LAT2: variants seen among roughly 807,000 people sequenced by gnomAD.
LAT2 encodes the protein linker for activation of T cells family member 2, also known as linker for activation of T-cells family member 2.
Under a neutral mutation model 43.4 loss-of-function variants are expected in LAT2, and 23 were observed. The observed-to-expected ratio is 0.53, with a 90% CI of 0.38 to 0.75. The LOEUF (loss-of-function observed/expected upper bound fraction) is 0.75, where lower values mean the gene tolerates loss of function less well. Among genes scored for constraint, LAT2 ranks in the 30% least tolerant of loss-of-function variants. The probability of loss-of-function intolerance (pLI) is 0.00; values close to 1 mark genes in which losing one functional copy is unlikely to be tolerated. For synonymous variants in LAT2, 128 were observed against 123.2 expected, an observed-to-expected ratio of 1.04 and a Z score of -0.26; for missense variants, 284 against 310.2, an observed-to-expected ratio of 0.92 and a Z score of 0.64.
chr7:74,214,537 A>AAAATAT lies in LAT2; in HGVS notation c.-218-284_-218-283insAATATA, dbSNP rs542728547. On this transcript the variant is annotated intron_variant, in intron 1 of 13. Coordinates refer to ENST00000460943, the MANE Select transcript of LAT2 (RefSeq NM_032464.3). ...GAAAATATATATAAATATATATATGAATATATATATATATATATGAAAATA... is the reference window on the plus strand; with the variant it reads ...GAAAATATATATAAATATATATATGAAAATATATATATATATATATATATGAAAATA... 4.5e-3 allele frequency among the ~76,000 whole-genome samples: 4 copies of AAAATAT among 896 alleles called. 2 individuals carry two copies. The African/African-American group carries it at 0.047, about 10-fold the overall frequency. The allele number at this position is 896 out of a possible 152,430, so 0.6% of individuals were successfully genotyped here.
intron 1 of LAT2, among the ~76,000 whole-genome samples, chr7:74,213,199 A>G (rs781886496): frequency 4.6e-4 from 70 of 151,468 alleles, no homozygotes; most frequent in Non-Finnish European, 7.8e-4. Flanking sequence ...GCTCACTGCA[A>G]CCTCCACCTC....
chr7:74,219,317 A>T (rs1802171620), intron 4 of LAT2, among the ~76,000 whole-genome samples: 1 of 152,004 alleles, frequency 6.6e-6, no homozygotes. Flanking sequence ...GGCTGAAATA[A>T]TTTACCCCAA....
intron 3 of LAT2, among the ~76,000 whole-genome samples, 166 bp downstream of exon 3, chr7:74,216,235 C>A (rs1348832927): frequency 1.3e-5 from 2 of 151,962 alleles, no homozygotes; most frequent in Non-Finnish European, 2.9e-5. Flanking sequence ...TCAGGTGCAC[C>A]CGAGGGCTTT....
intron 13 of LAT2, among the ~76,000 whole-genome samples, chr7:74,228,349 G>A (rs1416759761): frequency 1.3e-4 from 19 of 150,468 alleles, no homozygotes; most frequent in African/African-American, 3.9e-4. Flanking sequence ...GGTGGCAGGC[G>A]CCTGTAGTCC....
At position 74,214,161 on chromosome 7, in the gene LAT2, TGA is replaced by T. The variant is rs1210963001; in HGVS notation, c.-218-660_-218-659del. The stretch of plus-strand genomic sequence containing the variant: ...ATGAAAATATATATAAATATATATA[TGA>T]AAATATATATATGAAAATATATATA... On this transcript the variant is annotated intron_variant, in intron 1 of 13. Transcript: ENST00000460943. Among the ~76,000 whole-genome samples, 143 of 71,984 alleles carry T rather than the reference TGA, an allele frequency of 2.0e-3. 1 individual carries two copies. Among genetic ancestry groups the T allele is most frequent in the South Asian group, 2.6e-3 (7 of 2,680 alleles). 47.2% of individuals were successfully genotyped at this position (71,984 alleles called of 152,430 possible).
At chr7:74,225,560 G>C (rs782346833) in intron 13 of LAT2, 1 of 152,336 alleles carries the variant, frequency 6.6e-6, no homozygotes, top group Non-Finnish European at 1.5e-5. Context: ...GCGCTCACAC[G>C]TGCACCATCT....
Position 74,219,043 on chromosome 7 carries a change from T to C in LAT2, c.135-701T>C, listed in dbSNP as rs1280969824. 2.5e-3 allele frequency among the ~76,000 whole-genome samples: 237 copies of C among 94,756 alleles called. 4 individuals are homozygous for C. The highest frequency in any genetic ancestry group is 9.8e-3 in the African/African-American group (218 of 22,350). The allele number at this position is 94,756 out of a possible 152,430, so 62.2% of individuals were successfully genotyped here. ...TTTTTTTTTTTTTTTTTTTTTTTTTTTTTTGAGACGGAGTCTCGCTCTGTC... is the reference window on the plus strand; with the variant it reads ...TTTTTTTTTTTTTTTTTTTTTTTTTCTTTTGAGACGGAGTCTCGCTCTGTC... On this transcript the variant is annotated intron_variant, in intron 4 of 13. Coordinates refer to ENST00000460943, the MANE Select transcript of LAT2 (RefSeq NM_032464.3).
intron 1 of LAT2, among the ~76,000 whole-genome samples, chr7:74,211,808 T>C (rs1554713199): frequency 6.6e-6 from 1 of 151,870 alleles, no homozygotes; most frequent in Non-Finnish European, 1.5e-5. Context: ...GCCAGGCTGG[T>C]CTTGAACTCC....
chr7:74,220,402 G>A lies in LAT2; in HGVS notation c.265+148G>A, dbSNP rs1287831303. The A allele has an allele frequency of 1.6e-6, 2 of 1,239,634 alleles. No individual in the cohort carries two copies. The highest frequency in any genetic ancestry group is 3.0e-5 in the African/African-American group (2 of 67,586). 76.8% of individuals were successfully genotyped at this position (1,239,634 alleles called of 1,614,324 possible). ...GAGACACACAGGCTGGGGCAGGGCA[G>A]GCTCCTGGAATCGGCCTGGCAGGGG... is the stretch of plus-strand genomic sequence containing the variant. On this transcript the variant is annotated intron_variant, in intron 7 of 13. Coordinates refer to ENST00000460943, the MANE Select transcript of LAT2 (RefSeq NM_032464.3). This position sits in a 1 kb window ranked among gnomAD's most constrained non-coding sequence, Gnocchi z 4.5.
At chr7:74,216,623 C>T (rs540261644) in intron 3 of LAT2, among the ~76,000 whole-genome samples, 20 of 152,228 alleles carry the variant, frequency 1.3e-4, no homozygotes, top group Non-Finnish European at 2.1e-4. Context: ...CCTCCCGCCT[C>T]GGCCCAAAGT....
intron 1 of LAT2, among the ~76,000 whole-genome samples, chr7:74,214,346 G>A (rs1460341098): frequency 2.8e-3 from 85 of 29,952 alleles, no homozygotes; most frequent in Admixed American, 4.3e-3. Context: ...ATATATATAT[G>A]AAAATATATA....
chr7:74,211,831 A>G (rs1554713206), intron 1 of LAT2, among the ~76,000 whole-genome samples: 1 of 151,966 alleles, frequency 6.6e-6, no homozygotes, highest in East Asian at 1.9e-4. Context: ...ACCTCAGATG[A>G]TTTGCCCGCC....
intron 3 of LAT2, among the ~76,000 whole-genome samples, chr7:74,216,602 C>T (rs1332024122): frequency 6.6e-6 from 1 of 152,138 alleles, no homozygotes; most frequent in African/African-American, 2.4e-5. Context: ...GAACTGCTGA[C>T]CTCATGTGAT....
Position 74,220,626 on chromosome 7 carries a change from A to AGGCT in LAT2, c.301+8_301+11dup, listed in dbSNP as rs781824163. 46 of 1,613,900 alleles carry AGGCT rather than the reference A, an allele frequency of 2.9e-5. No individual in the cohort carries two copies. The Admixed American group carries it at 3.5e-4, about 12-fold the overall frequency. ...TACCAGAACTTCAGCAAAGGTAGGT[A>AGGCT]GGCTCCTGGAGAAAGGGGGAGGCCA... On this transcript the variant is annotated splice_region_variant and intron_variant, in intron 8 of 13. Transcript: ENST00000460943. This position sits in a 1 kb window ranked among gnomAD's most constrained non-coding sequence, Gnocchi z 4.5.
chr7:74,216,623 C>G (rs540261644), intron 3 of LAT2, among the ~76,000 whole-genome samples: 1 of 152,110 alleles, frequency 6.6e-6, no homozygotes, highest in African/African-American at 2.4e-5. Flanking sequence ...CCTCCCGCCT[C>G]GGCCCAAAGT....
In LAT2 at chr7:74,214,167, T is replaced by A. The variant is rs1332617854; in HGVS notation, c.-218-655T>A. 5.1e-4 allele frequency among the ~76,000 whole-genome samples: 52 copies of A among 101,604 alleles called. No homozygotes were observed. The East Asian group carries it at 0.011, about 22-fold the overall frequency. 66.7% of individuals were successfully genotyped at this position (101,604 alleles called of 152,430 possible). On this transcript the variant is annotated intron_variant, in intron 1 of 13. Transcript: ENST00000460943. ...ATATATATAAATATATATATGAAAA[T>A]ATATATATGAAAATATATATAAATA...
rs548830059 is a variant in LAT2 at position 74,223,726 on chromosome 7, G to C, written c.391G>C (p.Asp131His). 4.2e-5 allele frequency: 68 copies of C among 1,613,970 alleles called. No individual in the cohort carries two copies. Among genetic ancestry groups the C allele is most frequent in the Admixed American group, 2.7e-4 (16 of 59,980 alleles). ...GCCCACTCCTCTCTCTCCTGCAGATGATGATGCCAATTCCTACGAGAATGT... is the reference window on the plus strand; with the variant it reads ...GCCCACTCCTCTCTCTCCTGCAGATCATGATGCCAATTCCTACGAGAATGT... ...WGRFSKPPED[D>H]DANSYENVLI... is the part of the protein sequence containing the mutation. The change falls in exon 11 of 14, where the codon GAT (aspartate) becomes CAT (histidine). Residue 131 changes from aspartate (D) to histidine (H), a missense_variant and splice_region_variant. By Grantham distance (81) the Asp-to-His change is moderately conservative. Coordinates refer to ENST00000460943, the MANE Select transcript of LAT2 (RefSeq NM_032464.3).
At chr7:74,217,230 G>T (rs1377026713) in intron 4 of LAT2, among the ~76,000 whole-genome samples, 1 of 152,082 alleles carries the variant, frequency 6.6e-6, no homozygotes, top group Non-Finnish European at 1.5e-5. Context: ...TCAGGAGTTT[G>T]AGACCAGCCT....
At chr7:74,211,671 A>G (rs1484400446) in intron 1 of LAT2, among the ~76,000 whole-genome samples, 2 of 151,784 alleles carry the variant, frequency 1.3e-5, no homozygotes, top group African/African-American at 4.8e-5. Flanking sequence ...GTTAGCCAGG[A>G]TGGTCTCAAT....
Sources: allele counts gnomAD v4.1 joint callset (sites outside exome capture counted in the v4.1 genomes callset), GRCh38; gene constraint gnomAD v4.1.1; non-coding constraint Gnocchi (gnomAD v3.1); transcripts MANE v1.5; gene names NCBI Gene and HGNC (gene_info 2026-07-23, HGNC 2026-07-21).